TFEC: variants seen among roughly 807,000 people sequenced by gnomAD.
The protein encoded by TFEC is transcription factor EC.
A neutral mutation model predicts 41.6 loss-of-function variants in TFEC; 31 were observed. The observed-to-expected ratio is 0.74, with a 90% CI of 0.56 to 1.01. The LOEUF (loss-of-function observed/expected upper bound fraction) is 1.01, where lower values mean the gene tolerates loss of function less well. Ranked by LOEUF, TFEC falls within the 50% of genes least tolerant of loss-of-function variation. The pLI is 0.00. For missense variants in TFEC, 402 were observed against 404.1 expected (o/e 0.99, Z 0.04); for synonymous variants, 143 against 140.6 (o/e 1.02, Z -0.12).
intron 3 of TFEC, among the ~76,000 whole-genome samples, chr7:116,070,721 G>A (rs1044026400): frequency 6.6e-6 from 1 of 151,282 alleles, no homozygotes; most frequent in Non-Finnish European, 1.5e-5. Context: ...TAGCTGTCAA[G>A]TATTAAGATT....
chr7:115,978,298 C>G (rs1048344695), intron 2 of TFEC, among the ~76,000 whole-genome samples: 3 of 151,948 alleles, frequency 2.0e-5, no homozygotes, highest in African/African-American at 2.4e-5. Context: ...AAAAATAATA[C>G]CAAGTGATCA....
At chr7:116,091,891 T>C (rs1342511058) in intron 3 of TFEC, among the ~76,000 whole-genome samples, 1 of 151,914 alleles carries the variant, frequency 6.6e-6, no homozygotes, top group Admixed American at 6.6e-5. Flanking sequence ...AGTAGTAAGA[T>C]ATATATACTA....
At chr7:115,952,944 T>C (rs1339678936) in intron 5 of TFEC, among the ~76,000 whole-genome samples, 1 of 152,006 alleles carries the variant, frequency 6.6e-6, no homozygotes, top group Non-Finnish European at 1.5e-5. Context: ...ACAAGCAATT[T>C]CCTCCCTAAT....
chr7:115,980,357 A>G (rs1204301026), intron 2 of TFEC, among the ~76,000 whole-genome samples: 1 of 152,180 alleles, frequency 6.6e-6, no homozygotes. Context: ...AAGAAGAAAG[A>G]GGAAGAACTG....
At chr7:116,044,129 C>A (rs988359722) in intron 3 of TFEC, among the ~76,000 whole-genome samples, 1 of 152,152 alleles carries the variant, frequency 6.6e-6, no homozygotes, top group Non-Finnish European at 1.5e-5. Flanking sequence ...TTAAGTTTTA[C>A]TCAGAAGTTG....
chr7:116,026,921 G>C (rs1356292067), intron 1 of TFEC, among the ~76,000 whole-genome samples: 1 of 152,142 alleles, frequency 6.6e-6, no homozygotes, highest in African/African-American at 2.4e-5. Flanking sequence ...AGAAACACTA[G>C]AGAGTATTAC....
At chr7:116,051,461 T>C (rs769444728) in intron 3 of TFEC, among the ~76,000 whole-genome samples, 35 of 152,190 alleles carry the variant, frequency 2.3e-4, no homozygotes, top group Non-Finnish European at 4.7e-4. Flanking sequence ...AGCACTACAC[T>C]ACACCATTTC....
chr7:116,086,334 A>T (rs1797202498), intron 3 of TFEC, among the ~76,000 whole-genome samples: 1 of 151,850 alleles, frequency 6.6e-6, no homozygotes, highest in Non-Finnish European at 1.5e-5. Flanking sequence ...CACTTTCTTA[A>T]AATAATACCA....
intron 1 of TFEC, among the ~76,000 whole-genome samples, chr7:116,114,222 T>C (rs1185003530): frequency 6.6e-6 from 1 of 152,096 alleles, no homozygotes; most frequent in African/African-American, 2.4e-5. Context: ...TCAAACCCAC[T>C]TCAGCGAAAA....
chr7:116,031,878 T>A (rs1025043449), upstream of TFEC, among the ~76,000 whole-genome samples: 1 of 152,204 alleles, frequency 6.6e-6, no homozygotes, highest in Non-Finnish European at 1.5e-5. Context: ...TGAATGGAAA[T>A]AGTAAATAAT....
At chr7:116,062,393 A>G (rs1796584667) in intron 3 of TFEC, among the ~76,000 whole-genome samples, 1 of 150,078 alleles carries the variant, frequency 6.7e-6, no homozygotes. Context: ...CCATTGTATC[A>G]TTCTTATGCC....
chr7:115,936,262 T>C lies in TFEC; in HGVS notation c.*4289A>G, dbSNP rs1793223091. Reference sequence around the variant, plus strand: ...ATGTAATGAAATCTCTGTATATATGTATACTAAGTCAAACTGACATACTTA... The same window carrying C: ...ATGTAATGAAATCTCTGTATATATGCATACTAAGTCAAACTGACATACTTA... On this transcript the variant is annotated 3_prime_UTR_variant, in exon 8 of 8. Transcript: ENST00000265440. 1 of 151,626 alleles carries C rather than the reference T, an allele frequency of 6.6e-6. No homozygotes were observed. Among genetic ancestry groups the C allele is most frequent in the Non-Finnish European group, 1.5e-5 (1 of 67,604 alleles). 9.4% of individuals were successfully genotyped at this position (151,626 alleles called of 1,614,324 possible). A position where few individuals can be genotyped will look rare whatever the true frequency, so the allele number is the denominator to read the frequency against.
Position 116,110,848 on chromosome 7 carries a change from C to A in TFEC, c.58G>T (p.Glu20Ter). The change falls in exon 3 of 9, where the codon GAG becomes TAG. Residue 20 changes from glutamate (E) to a stop codon, truncating the protein, a stop_gained. Transcript: ENST00000484212. LOFTEE classifies it high-confidence loss of function. ...TCCTGGCTGATTTGAAGTCTTCTCT[C>A]CTTTTCTCCTAATTGTTCTTTCAGC... The A allele has an allele frequency of 6.5e-7, 1 of 1,545,386 alleles. No individual in the cohort carries two copies. The highest frequency in any genetic ancestry group is 2.5e-5 in the East Asian group (1 of 40,606).
At chr7:116,033,150 T>C (rs1795828285), upstream of TFEC, among the ~76,000 whole-genome samples, 4 of 151,992 alleles carry the variant, frequency 2.6e-5, no homozygotes, top group Admixed American at 2.6e-4. Flanking sequence ...AAAAAAAATC[T>C]TTGTTTCTGA....
chr7:116,019,498 G>A (rs1468805754), intron 1 of TFEC, among the ~76,000 whole-genome samples: 16 of 152,056 alleles, frequency 1.1e-4, no homozygotes, highest in East Asian at 3.9e-4. Flanking sequence ...AACTTTAAGC[G>A]CAATGTTTTC....
chr7:116,132,297 G>A (rs867634963), intron 1 of TFEC, among the ~76,000 whole-genome samples: 1 of 152,126 alleles, frequency 6.6e-6, no homozygotes, highest in Non-Finnish European at 1.5e-5. Context: ...GTTCAAAAAT[G>A]CTATTTCTTA....
chr7:116,098,647 A>T (rs963552388), intron 3 of TFEC, among the ~76,000 whole-genome samples: 20 of 152,204 alleles, frequency 1.3e-4, no homozygotes, highest in Non-Finnish European at 8.8e-5. Flanking sequence ...TATAACTGTT[A>T]AAGTAACTGA....
intron 3 of TFEC, among the ~76,000 whole-genome samples, chr7:116,043,834 C>T (rs1045448092): frequency 1.3e-5 from 2 of 152,100 alleles, no homozygotes; most frequent in Non-Finnish European, 2.9e-5. Flanking sequence ...CAATCTACTT[C>T]AGGTCATAAA....
chr7:115,962,097 G>A (rs1021917196), intron 3 of TFEC, among the ~76,000 whole-genome samples: 2 of 151,522 alleles, frequency 1.3e-5, no homozygotes, highest in African/African-American at 2.4e-5. Flanking sequence ...CATTTAAATA[G>A]CATCAAAAGG....
Sources: allele counts gnomAD v4.1 joint callset (sites outside exome capture counted in the v4.1 genomes callset), GRCh38; gene constraint gnomAD v4.1.1; transcripts MANE v1.5; gene names NCBI Gene and HGNC (gene_info 2026-07-23, HGNC 2026-07-21).